Variants in UNC5C observed in about 807,000 individuals in gnomAD.
UNC5C encodes the protein netrin receptor UNC5C.
In UNC5C, 47 loss-of-function variants were observed where a neutral mutation model predicts 99.8. The observed-to-expected ratio is 0.47, with a 90% CI of 0.37 to 0.60. The LOEUF is 0.60. Ranked by LOEUF, UNC5C falls within the 20% of genes least tolerant of loss-of-function variation. The pLI is 0.00. For synonymous variants in UNC5C, 487 were observed against 452.2 expected (o/e 1.08, Z -0.98); for missense variants, 1,062 against 1,165.9 (o/e 0.91, Z 1.30).
intron 12 of UNC5C, among the ~76,000 whole-genome samples, chr4:95,189,583 T>C (rs1275937506): frequency 6.6e-6 from 1 of 152,168 alleles, no homozygotes; most frequent in Admixed American, 6.5e-5. Flanking sequence ...ATTTTTGCAA[T>C]CTACTCATCT....
intron 14 of UNC5C, among the ~76,000 whole-genome samples, chr4:95,176,266 C>CTTTG (rs1317353800): frequency 3.3e-5 from 5 of 152,222 alleles, no homozygotes; most frequent in African/African-American, 1.2e-4. Flanking sequence ...CCCTGTCCAG[C>CTTTG]TTTGTTCCAT....
chr4:95,546,260 A>C (rs1172729435), intron 1 of UNC5C, among the ~76,000 whole-genome samples: 1 of 152,216 alleles, frequency 6.6e-6, no homozygotes, highest in Non-Finnish European at 1.5e-5. Flanking sequence ...GTTCTAGTCC[A>C]AGGAAAGGAG....
chr4:95,487,177 T>G (rs1483817004), intron 1 of UNC5C, among the ~76,000 whole-genome samples: 1 of 151,802 alleles, frequency 6.6e-6, no homozygotes, highest in African/African-American at 2.4e-5. Context: ...TAAAACACCA[T>G]CTTTCCCTCT....
chr4:95,178,841 G>A lies in UNC5C; in HGVS notation c.2451+4056C>T, dbSNP rs543497788. ...CTCTCTATCCCTGGCTACTCACTCA[G>A]CCTATTTATTTCTGTGTAGATGAAA... On this transcript the variant is annotated intron_variant, in intron 14 of 15. Transcript: ENST00000453304. Among the ~76,000 whole-genome samples the A allele has an allele frequency of 5.9e-5, 9 of 152,234 alleles. No homozygotes were observed. The East Asian group carries it at 1.4e-3, about 23-fold the overall frequency.
chr4:95,406,178 T>A (rs185020337), intron 1 of UNC5C, among the ~76,000 whole-genome samples: 1 of 152,298 alleles, frequency 6.6e-6, no homozygotes, highest in East Asian at 1.9e-4. Flanking sequence ...GATTTCAATA[T>A]TTCTTGACTC....
At chr4:95,255,837 T>G (rs1464069579) in intron 4 of UNC5C, among the ~76,000 whole-genome samples, 1 of 152,074 alleles carries the variant, frequency 6.6e-6, no homozygotes, top group East Asian at 1.9e-4. Context: ...TATATTTCTC[T>G]GCTTGCCCTG....
chr4:95,437,775 A>G (rs1010055992), intron 1 of UNC5C, among the ~76,000 whole-genome samples: 14 of 152,086 alleles, frequency 9.2e-5, no homozygotes, highest in African/African-American at 3.4e-4. Flanking sequence ...GGTCTCATGC[A>G]ATGGCACATG....
intron 1 of UNC5C, among the ~76,000 whole-genome samples, chr4:95,452,314 C>A (rs1271069082): frequency 6.6e-6 from 1 of 151,994 alleles, no homozygotes; most frequent in East Asian, 1.9e-4. Flanking sequence ...ATTTCCAATC[C>A]TTTGCTTGAA....
At chr4:95,278,460 G>A in intron 3 of UNC5C, 98 bp from the exon 4 acceptor site, 1 of 886,036 alleles carries the variant, frequency 1.1e-6, no homozygotes, top group Non-Finnish European at 1.8e-6. Context: ...TTTTATCTGT[G>A]CTTTTTTTTC....
chr4:95,186,897 T>C (rs1307759270), intron 12 of UNC5C, among the ~76,000 whole-genome samples: 1 of 152,038 alleles, frequency 6.6e-6, no homozygotes, highest in Non-Finnish European at 1.5e-5. Flanking sequence ...GTGCCTGAGC[T>C]CAGCAGGCTC....
chr4:95,432,695 TA>T (rs1746665757), intron 1 of UNC5C, among the ~76,000 whole-genome samples: 2 of 152,074 alleles, frequency 1.3e-5, no homozygotes, highest in Non-Finnish European at 1.5e-5. Context: ...ACTGATTTAA[TA>T]AAGAAACTCT....
chr4:95,176,849 C>T (rs537522576), intron 14 of UNC5C, among the ~76,000 whole-genome samples: 28 of 152,340 alleles, frequency 1.8e-4, no homozygotes, highest in Middle Eastern at 3.4e-3. Context: ...GCCTCGCTGC[C>T]GCCTTGCAGT....
intron 1 of UNC5C, among the ~76,000 whole-genome samples, chr4:95,510,170 C>T (rs542580806): frequency 1.2e-3 from 175 of 151,742 alleles, no homozygotes; most frequent in African/African-American, 4.1e-3. Flanking sequence ...GATGTTTCAC[C>T]ATAAAATTTT....
intron 1 of UNC5C, among the ~76,000 whole-genome samples, chr4:95,536,165 CCTCCTGTTCAAGTGATT>C (rs1487845667): frequency 6.6e-6 from 1 of 151,260 alleles, no homozygotes; most frequent in African/African-American, 2.4e-5. Flanking sequence ...GCAACCTCTG[CCTCCTGTTCAAGTGATT>C]CTCCTGCCTC....
chr4:95,361,493 T>C (rs17023617), intron 1 of UNC5C, among the ~76,000 whole-genome samples: 20,388 of 152,196 alleles, frequency 0.13, 1,622 homozygotes, highest in African/African-American at 0.2. Context: ...TGTGCTGCTC[T>C]GTGCAGATGT....
intron 1 of UNC5C, among the ~76,000 whole-genome samples, chr4:95,371,361 T>C (rs1199829045): frequency 6.7e-6 from 1 of 149,878 alleles, no homozygotes; most frequent in Non-Finnish European, 1.5e-5. Flanking sequence ...CTGTCACTGT[T>C]CTTCAACATT....
At chr4:95,474,346 A>T (rs903071256) in intron 1 of UNC5C, among the ~76,000 whole-genome samples, 1 of 152,102 alleles carries the variant, frequency 6.6e-6, no homozygotes, top group Non-Finnish European at 1.5e-5. Flanking sequence ...GCTGGAGTAC[A>T]GTGGTGCAAT....
intron 1 of UNC5C, among the ~76,000 whole-genome samples, chr4:95,349,322 G>GGTGTGTGTGT (rs151051852): frequency 1.7e-5 from 2 of 120,718 alleles, no homozygotes; most frequent in East Asian, 5.4e-4. Flanking sequence ...AGAGAGAAAG[G>GGTGTGTGTGT]GTGTGTGTGT....
intron 1 of UNC5C, among the ~76,000 whole-genome samples, chr4:95,463,435 A>G (rs1747669603): frequency 6.6e-6 from 1 of 152,128 alleles, no homozygotes; most frequent in Non-Finnish European, 1.5e-5. Context: ...AAGCACAAGC[A>G]GAGACTGAGG....
Sources: allele counts gnomAD v4.1 joint callset (sites outside exome capture counted in the v4.1 genomes callset), GRCh38; gene constraint gnomAD v4.1.1; transcripts MANE v1.5; gene names NCBI Gene and HGNC (gene_info 2026-07-23, HGNC 2026-07-21).